Variants in HCN1 observed in about 807,000 individuals in gnomAD.
HCN1 encodes the protein hyperpolarization activated cyclic nucleotide gated potassium channel 1.
Under a neutral mutation model 78.9 loss-of-function variants are expected in HCN1, and 13 were observed. That is an observed-to-expected ratio of 0.16 (90% confidence interval 0.11 to 0.26). The LOEUF is 0.26. HCN1 is among the 10% of genes least tolerant of loss of function. The pLI, the probability that HCN1 is intolerant of heterozygous loss-of-function variation, is 1.00. For synonymous variants in HCN1, 552 were observed against 455.5 expected (o/e 1.21, Z -2.70); for missense variants, 810 against 1,154.3 (o/e 0.70, Z 4.32).
chr5:45,347,331 A>C lies in HCN1; in HGVS notation c.1377+5769T>G, dbSNP rs1192318349. On this transcript the variant is annotated intron_variant, in intron 5 of 7. Coordinates refer to ENST00000303230, the MANE Select transcript of HCN1 (RefSeq NM_021072.4). Reference sequence around the variant, plus strand: ...CCTGTCTGTTAGAAGGAAAACTAACAAACACAAAGGACATCCACACCAAAA... The same window carrying C: ...CCTGTCTGTTAGAAGGAAAACTAACCAACACAAAGGACATCCACACCAAAA... Among the ~76,000 whole-genome samples the C allele has an allele frequency of 3.3e-5, 5 of 152,190 alleles. No individual in the cohort carries two copies. In the East Asian group the frequency reaches 9.7e-4, roughly 29 times the overall value.
At chr5:45,670,592 A>G (rs1465681795) in intron 1 of HCN1, among the ~76,000 whole-genome samples, 2 of 151,736 alleles carry the variant, frequency 1.3e-5, no homozygotes, top group African/African-American at 4.8e-5. Context: ...TCATGCCCCT[A>G]CACTATTTTA....
chr5:45,684,433 T>A (rs1739763617), intron 1 of HCN1, among the ~76,000 whole-genome samples: 1 of 152,232 alleles, frequency 6.6e-6, no homozygotes, highest in Non-Finnish European at 1.5e-5. Flanking sequence ...TTCATTCTAA[T>A]TCACTTACAT....
chr5:45,481,773 T>C (rs1741656222), intron 2 of HCN1, among the ~76,000 whole-genome samples: 1 of 124,698 alleles, frequency 8.0e-6, no homozygotes, highest in Non-Finnish European at 1.9e-5. Flanking sequence ...TTTTCCATGA[T>C]GCCACTTATG....
chr5:45,596,196 C>G (rs1744492218), intron 2 of HCN1, among the ~76,000 whole-genome samples: 1 of 152,076 alleles, frequency 6.6e-6, no homozygotes, highest in Admixed American at 6.6e-5. Flanking sequence ...CCACGCCCAG[C>G]CCGGACTTAT....
chr5:45,362,415 G>T (rs1747133888), intron 4 of HCN1, among the ~76,000 whole-genome samples: 1 of 151,872 alleles, frequency 6.6e-6, no homozygotes, highest in Non-Finnish European at 1.5e-5. Context: ...TTTTACTTAA[G>T]AATATCTACT....
At chr5:45,387,004 T>C (rs1033920045) in intron 4 of HCN1, among the ~76,000 whole-genome samples, 2 of 152,012 alleles carry the variant, frequency 1.3e-5, no homozygotes, top group Admixed American at 1.3e-4. Context: ...ATAATTTCAC[T>C]TGGCAAAGCT....
At chr5:45,629,273 T>C (rs1461629807) in intron 2 of HCN1, among the ~76,000 whole-genome samples, 1 of 152,080 alleles carries the variant, frequency 6.6e-6, no homozygotes, top group Non-Finnish European at 1.5e-5. Flanking sequence ...TCAAGAACTG[T>C]GAGACCAAGC....
chr5:45,296,719 G>GA (rs767631452), intron 6 of HCN1, among the ~76,000 whole-genome samples: 32 of 151,800 alleles, frequency 2.1e-4, no homozygotes, highest in Non-Finnish European at 3.4e-4. Context: ...GACTGACCAA[G>GA]AAAAAAGAAC....
chr5:45,654,721 TACAG>T (rs1580022390), intron 1 of HCN1, among the ~76,000 whole-genome samples: 2 of 152,160 alleles, frequency 1.3e-5, no homozygotes, highest in Non-Finnish European at 2.9e-5. Context: ...GACTGTGAGT[TACAG>T]ACAGTTTTAT....
chr5:45,413,579 CGTAA>C lies in HCN1; in HGVS notation c.1012-16873_1012-16870del, dbSNP rs368278408. Among the ~76,000 whole-genome samples the C allele has an allele frequency of 2.4e-3, 366 of 151,826 alleles. 3 individuals are homozygous for C. Among genetic ancestry groups the C allele is most frequent in the African/African-American group, 8.3e-3 (343 of 41,446 alleles). On this transcript the variant is annotated intron_variant, in intron 3 of 7. Transcript: ENST00000303230. ...AGCTACACCATGCAGGAGCAAATTG[CGTAA>C]GTAAGATGGGTGGGCTGTCAACAAA... is the stretch of plus-strand genomic sequence containing the variant.
chr5:45,581,017 T>C (rs1426064559), intron 2 of HCN1, among the ~76,000 whole-genome samples: 1 of 152,234 alleles, frequency 6.6e-6, no homozygotes, highest in Non-Finnish European at 1.5e-5. Flanking sequence ...TGTGTCTTTA[T>C]AGCAGCATGT....
intron 1 of HCN1, among the ~76,000 whole-genome samples, chr5:45,647,696 T>A (rs963413754): frequency 6.6e-6 from 1 of 152,090 alleles, no homozygotes; most frequent in Non-Finnish European, 1.5e-5. Flanking sequence ...TCAAACAGCA[T>A]GCCTAAGCTC....
At chr5:45,280,676 T>C (rs1293121066) in intron 6 of HCN1, among the ~76,000 whole-genome samples, 1 of 152,214 alleles carries the variant, frequency 6.6e-6, no homozygotes, top group Non-Finnish European at 1.5e-5. Flanking sequence ...GTGCCAAACA[T>C]GCTCATGCTT....
At chr5:45,362,223 T>G (rs1384909731) in intron 4 of HCN1, among the ~76,000 whole-genome samples, 1 of 151,372 alleles carries the variant, frequency 6.6e-6, no homozygotes, top group African/African-American at 2.4e-5. Flanking sequence ...GGCCCTTAAT[T>G]GAACAAGAGT....
chr5:45,604,998 A>G (rs1262052045), intron 2 of HCN1, among the ~76,000 whole-genome samples: 1 of 152,052 alleles, frequency 6.6e-6, no homozygotes, highest in Non-Finnish European at 1.5e-5. Flanking sequence ...TTGCTTTGCT[A>G]TATTTTCAGG....
chr5:45,653,422 T>C (rs1745714020), intron 1 of HCN1, among the ~76,000 whole-genome samples: 1 of 152,094 alleles, frequency 6.6e-6, no homozygotes, highest in Admixed American at 6.6e-5. Context: ...TGATAAAGAC[T>C]GCTTAATAAA....
chr5:45,668,911 C>T (rs1269032041), intron 1 of HCN1, among the ~76,000 whole-genome samples: 1 of 151,748 alleles, frequency 6.6e-6, no homozygotes, highest in East Asian at 1.9e-4. Flanking sequence ...TTGACCAAAG[C>T]AAATTCTTTG....
At chr5:45,376,567 G>T (rs1445260637) in intron 4 of HCN1, among the ~76,000 whole-genome samples, 1 of 151,302 alleles carries the variant, frequency 6.6e-6, no homozygotes, top group Non-Finnish European at 1.5e-5. Flanking sequence ...AAATTTAAAG[G>T]ATGATGATAA....
intron 2 of HCN1, among the ~76,000 whole-genome samples, chr5:45,493,551 T>A (rs1218839334): frequency 6.6e-6 from 1 of 152,062 alleles, no homozygotes; most frequent in African/African-American, 2.4e-5. Context: ...TAGAATATAT[T>A]TACCAATGTA....
Sources: gnomAD v4.1 joint callset for allele counts (sites outside exome capture counted in the v4.1 genomes callset) on GRCh38, gnomAD v4.1.1 for gene constraint, MANE v1.5 for transcripts, NCBI Gene and HGNC (gene_info 2026-07-23, HGNC 2026-07-21) for gene names.